CDH19: variants seen among roughly 807,000 people sequenced by gnomAD.
CDH19 encodes the protein cadherin 19.
CDH19 carries 67 observed loss-of-function variants against 64.2 expected under a neutral mutation model. The observed-to-expected ratio is 1.04, with a 90% CI of 0.86 to 1.28. CDH19 has a LOEUF of 1.28. Among genes scored for constraint, CDH19 ranks in the 50% most tolerant of loss-of-function variants. The pLI, the probability that CDH19 is intolerant of heterozygous loss-of-function variation, is 0.00. For synonymous variants in CDH19, 346 were observed against 319.3 expected, an observed-to-expected ratio of 1.08 and a Z score of -0.89; for missense variants, 1,030 against 929.0, an observed-to-expected ratio of 1.11 and a Z score of -1.41.
Position 66,509,133 on chromosome 18 carries a change from T to C in CDH19, c.1690A>G (p.Asn564Asp). The C allele has an allele frequency of 6.2e-7, 1 of 1,613,010 alleles. No individual in the cohort carries two copies. ...TCACAGACATGGATGGTAAGGGTGTTTGTACTTGTAAGTGACGGGATTCCA... is the reference window on the plus strand; with the variant it reads ...TCACAGACATGGATGGTAAGGGTGTCTGTACTTGTAAGTGACGGGATTCCA... ...DNGIPSLTST[N>D]TLTIHVCDCG... Residue 564 changes from asparagine to aspartate, a missense_variant, in exon 11 of 12, where the codon AAC becomes GAC. Physicochemically the swap from Asn to Asp is conservative, Grantham distance 23. Coordinates refer to ENST00000262150, the MANE Select transcript of CDH19 (RefSeq NM_021153.4).
At chr18:66,518,148 A>T (rs1985819444) in intron 9 of CDH19, among the ~76,000 whole-genome samples, 2 of 152,104 alleles carry the variant, frequency 1.3e-5, no homozygotes, top group Non-Finnish European at 2.9e-5. Context: ...ATAATATTTT[A>T]TCATTATTAT....
At chr18:66,590,892 C>T (rs535944635) in intron 1 of CDH19, among the ~76,000 whole-genome samples, 2 of 151,864 alleles carry the variant, frequency 1.3e-5, no homozygotes, top group Non-Finnish European at 2.9e-5. Flanking sequence ...TTGGATTTTG[C>T]GGGTCTGTAT....
At chr18:66,586,582 A>C (rs1207887525) in intron 1 of CDH19, among the ~76,000 whole-genome samples, 1 of 152,024 alleles carries the variant, frequency 6.6e-6, no homozygotes, top group African/African-American at 2.4e-5. Context: ...AGTGTCTATA[A>C]ACAGTCCCCT....
chr18:66,516,199 T>G (rs1985729526), intron 9 of CDH19, among the ~76,000 whole-genome samples: 1 of 151,870 alleles, frequency 6.6e-6, no homozygotes, highest in Non-Finnish European at 1.5e-5. Flanking sequence ...AATGACATGA[T>G]CATTACTTTT....
intron 2 of CDH19, among the ~76,000 whole-genome samples, chr18:66,570,518 A>G (rs949825648): frequency 6.6e-6 from 1 of 151,720 alleles, no homozygotes; most frequent in Admixed American, 6.6e-5. Flanking sequence ...GTACTTCCCA[A>G]TCTTAATCAT....
chr18:66,520,770 A>C (rs1301227953), intron 9 of CDH19, among the ~76,000 whole-genome samples: 1 of 152,064 alleles, frequency 6.6e-6, no homozygotes, highest in Admixed American at 6.5e-5. Flanking sequence ...TTTTCAATAC[A>C]AGTCTTCAAG....
intron 5 of CDH19, among the ~76,000 whole-genome samples, chr18:66,548,901 C>T (rs73539783): frequency 2.0e-5 from 3 of 152,112 alleles, no homozygotes; most frequent in East Asian, 1.9e-4. Flanking sequence ...AAACATGTTT[C>T]GATGTGATAG....
chr18:66,535,364 TC>T (rs1403551129), intron 7 of CDH19, among the ~76,000 whole-genome samples: 4 of 151,514 alleles, frequency 2.6e-5, no homozygotes, highest in Non-Finnish European at 4.4e-5. Flanking sequence ...AATCTTTTTT[TC>T]CTATCAAATA....
At chr18:66,524,156 T>G (rs1451377540) in intron 9 of CDH19, among the ~76,000 whole-genome samples, 1 of 152,168 alleles carries the variant, frequency 6.6e-6, no homozygotes, top group Non-Finnish European at 1.5e-5. Context: ...ATTCCTTTTG[T>G]GATGTAGATA....
At position 66,503,308 on chromosome 18, in the gene CDH19, C is replaced by T. The variant is rs1285680953; in HGVS notation, c.*1504G>A. The stretch of plus-strand genomic sequence containing the variant: ...AGCATTGATTTCCTTCTTAAGGCTA[C>T]AATAAATGTATCTATTGCACCTAAT... On this transcript the variant is annotated 3_prime_UTR_variant, in exon 12 of 12. Coordinates refer to ENST00000262150, the MANE Select transcript of CDH19 (RefSeq NM_021153.4). The T allele has an allele frequency of 6.6e-6, 1 of 151,752 alleles. No individual in the cohort carries two copies. Among genetic ancestry groups the T allele is most frequent in the East Asian group, 1.9e-4 (1 of 5,180 alleles). The allele number at this position is 151,752 out of a possible 1,614,324, so 9.4% of individuals were successfully genotyped here. A position where few individuals can be genotyped will look rare whatever the true frequency, so the allele number is the denominator to read the frequency against.
intron 7 of CDH19, among the ~76,000 whole-genome samples, chr18:66,538,366 T>C (rs1598993157): frequency 1.3e-5 from 2 of 152,128 alleles, no homozygotes; most frequent in African/African-American, 4.8e-5. Context: ...TTTTCATCTA[T>C]ATCTTGGAGA....
intron 3 of CDH19, among the ~76,000 whole-genome samples, chr18:66,557,069 AT>A (rs1162166257): frequency 6.6e-6 from 1 of 151,982 alleles, no homozygotes; most frequent in Admixed American, 6.6e-5. Flanking sequence ...CTGGGTATTT[AT>A]TTAAAGAAAA....
At chr18:66,529,161 A>T (rs140255472) in intron 9 of CDH19, among the ~76,000 whole-genome samples, 1 of 151,968 alleles carries the variant, frequency 6.6e-6, no homozygotes, top group South Asian at 2.1e-4. Context: ...TTTCAAAATG[A>T]GTATGTTCTC....
At chr18:66,508,955 C>G (rs758420270) in intron 11 of CDH19, 40 bp downstream of exon 11, 1 of 1,586,870 alleles carries the variant, frequency 6.3e-7, no homozygotes, top group Non-Finnish European at 8.6e-7. Context: ...CAAATATGAT[C>G]ATAATGCAAA....
At chr18:66,535,256 C>T (rs1386746536) in intron 7 of CDH19, 149 bp from the exon 8 acceptor site, 2 of 398,932 alleles carry the variant, frequency 5.0e-6, no homozygotes, top group East Asian at 3.8e-5. Context: ...ACAGTATATT[C>T]CTGTATTTAA....
intron 9 of CDH19, among the ~76,000 whole-genome samples, chr18:66,529,208 C>A: frequency 6.6e-6 from 1 of 151,566 alleles, no homozygotes; most frequent in Non-Finnish European, 1.5e-5. Context: ...GTACAAAACT[C>A]AGTTTTATTT....
chr18:66,505,179 G>GT lies in CDH19; in HGVS notation c.1951dup (p.Thr651AsnfsTer5), dbSNP rs1318413864. The GT allele has an allele frequency of 6.2e-7, 1 of 1,613,272 alleles. No individual in the cohort carries two copies. The highest frequency in any genetic ancestry group is 2.2e-5 in the East Asian group (1 of 44,842). On this transcript the variant is annotated frameshift_variant, in exon 12 of 12. Coordinates refer to ENST00000262150, the MANE Select transcript of CDH19 (RefSeq NM_021153.4). LOFTEE classifies it low-confidence loss of function (END_TRUNC). ...CAGCTCTGCTATATCAAAGGCCTCT[G>GT]TATCTTCTTCTCCACCCCCTTCATC...
chr18:66,529,939 G>T lies in CDH19; in HGVS notation c.1364C>A (p.Pro455Gln). 6.4e-7 allele frequency: 1 copy of T among 1,558,122 alleles called. No individual in the cohort carries two copies. Among genetic ancestry groups the T allele is most frequent in the South Asian group, 1.1e-5 (1 of 87,202 alleles). ...GATGTTAAGAACTTGCACATACAGT[G>T]GGATCGAAGAGATCTGTTCTATATT... ...KYNIEQISSIPLYVQVLNIND... is the reference protein window; with the variant it reads ...KYNIEQISSIQLYVQVLNIND... Residue 455 changes from proline (P) to glutamine (Q), a missense_variant, in exon 9 of 12, where the codon CCA becomes CAA. Pro to Gln is a moderately conservative substitution (Grantham distance 76). Transcript: ENST00000262150.
chr18:66,562,533 T>A (rs1332419037), intron 3 of CDH19, among the ~76,000 whole-genome samples: 4 of 152,002 alleles, frequency 2.6e-5, no homozygotes, highest in Non-Finnish European at 5.9e-5. Context: ...CCTCCTGCTG[T>A]GCAGCCCGGT....
Sources: allele counts gnomAD v4.1 joint callset (sites outside exome capture counted in the v4.1 genomes callset), GRCh38; gene constraint gnomAD v4.1.1; transcripts MANE v1.5; gene names NCBI Gene and HGNC (gene_info 2026-07-23, HGNC 2026-07-21).